Variants in PDGFD observed in about 807,000 individuals in gnomAD.
The protein encoded by PDGFD is platelet derived growth factor D.
A neutral mutation model predicts 44.7 loss-of-function variants in PDGFD; 30 were observed. That is an observed-to-expected ratio of 0.67 (90% CI 0.50 to 0.91). The LOEUF is 0.91. Among genes scored for constraint, PDGFD ranks in the 40% least tolerant of loss-of-function variants. The pLI is 0.00. For missense variants in PDGFD, 445 were observed against 457.8 expected (o/e 0.97, Z 0.25); for synonymous variants, 173 against 168.4 (o/e 1.03, Z -0.21).
chr11:104,020,774 T>G (rs888270683), intron 1 of PDGFD, among the ~76,000 whole-genome samples: 2 of 152,180 alleles, frequency 1.3e-5, no homozygotes, highest in African/African-American at 4.8e-5. Flanking sequence ...TCTGTTTGAA[T>G]AGTTTCAAAC....
At chr11:104,003,728 A>G (rs10791661) in intron 1 of PDGFD, among the ~76,000 whole-genome samples, 45,379 of 152,066 alleles carry the variant, frequency 0.3, 8,162 homozygotes, top group Admixed American at 0.48. Context: ...TTACAGAGCT[A>G]GCTGAGAGAA....
At chr11:103,977,024 C>T (rs1859195116) in intron 3 of PDGFD, among the ~76,000 whole-genome samples, 1 of 151,978 alleles carries the variant, frequency 6.6e-6, no homozygotes, top group Admixed American at 6.6e-5. Flanking sequence ...CCACTGATCC[C>T]ACAGAAATAC....
chr11:104,054,569 A>C (rs1860593253), intron 1 of PDGFD, among the ~76,000 whole-genome samples: 1 of 152,210 alleles, frequency 6.6e-6, no homozygotes, highest in Admixed American at 6.5e-5. Context: ...TTTTAGCATC[A>C]CGTCGGCAAA....
intron 1 of PDGFD, among the ~76,000 whole-genome samples, chr11:104,029,058 T>G (rs1277603940): frequency 6.6e-6 from 1 of 152,162 alleles, no homozygotes; most frequent in Non-Finnish European, 1.5e-5. Flanking sequence ...TATCAGCAGT[T>G]AAGCACATTT....
intron 1 of PDGFD, among the ~76,000 whole-genome samples, chr11:104,151,999 A>G (rs1862253371): frequency 6.6e-6 from 1 of 151,940 alleles, no homozygotes; most frequent in Non-Finnish European, 1.5e-5. Flanking sequence ...ATGTTTATTC[A>G]CATATGTGTT....
intron 3 of PDGFD, among the ~76,000 whole-genome samples, chr11:103,954,766 A>C (rs1298645395): frequency 1.3e-5 from 2 of 152,190 alleles, no homozygotes; most frequent in South Asian, 2.1e-4. Flanking sequence ...TGATTGAGTT[A>C]ATGCTTAGAG....
chr11:104,163,990 G>C lies in PDGFD; in HGVS notation c.-63C>G. ...AAAGCCGGGTTCTGCTCCCGGGACC[G>C]ACGCCGCGCCGCCCTGCGCTCTCGC... On this transcript the variant is annotated 5_prime_UTR_variant, in exon 1 of 7. Coordinates refer to ENST00000393158, the MANE Select transcript of PDGFD (RefSeq NM_025208.5). The C allele has an allele frequency of 6.8e-7, 1 of 1,464,444 alleles. No homozygotes were observed. Among genetic ancestry groups the C allele is most frequent in the Admixed American group, 2.1e-5 (1 of 48,098 alleles). The allele number at this position is 1,464,444 out of a possible 1,614,324, so 90.7% of individuals were successfully genotyped here. A position where few individuals can be genotyped will look rare whatever the true frequency, so the allele number is the denominator to read the frequency against.
At chr11:104,093,702 C>T (rs1182320036) in intron 1 of PDGFD, among the ~76,000 whole-genome samples, 1 of 151,782 alleles carries the variant, frequency 6.6e-6, no homozygotes, top group Admixed American at 6.6e-5. Flanking sequence ...ATCTATGAGG[C>T]TTTAACTCCC....
At chr11:104,143,139 A>G (rs535757251) in intron 1 of PDGFD, among the ~76,000 whole-genome samples, 20 of 152,256 alleles carry the variant, frequency 1.3e-4, no homozygotes, top group African/African-American at 4.8e-4. Context: ...TTCTTTATTG[A>G]GCATGCGATC....
At chr11:103,989,950 T>C (rs974355629) in intron 3 of PDGFD, among the ~76,000 whole-genome samples, 1 of 152,106 alleles carries the variant, frequency 6.6e-6, no homozygotes, top group Non-Finnish European at 1.5e-5. Context: ...AGAATAATAA[T>C]AATAAAAAGA....
intron 5 of PDGFD, among the ~76,000 whole-genome samples, chr11:103,935,345 A>T (rs533418601): frequency 3.7e-4 from 56 of 152,320 alleles, no homozygotes; most frequent in Non-Finnish European, 7.2e-4. Flanking sequence ...GTGCCCTCAT[A>T]GACACACACA....
intron 1 of PDGFD, among the ~76,000 whole-genome samples, chr11:104,045,062 C>T (rs542348915): frequency 6.6e-6 from 1 of 152,104 alleles, no homozygotes; most frequent in East Asian, 1.9e-4. Flanking sequence ...AACAAACAAA[C>T]ACCTGATATT....
At chr11:104,161,350 T>C (rs1193761178) in intron 1 of PDGFD, among the ~76,000 whole-genome samples, 1 of 152,238 alleles carries the variant, frequency 6.6e-6, no homozygotes, top group Non-Finnish European at 1.5e-5. Context: ...TCGTCTTCAA[T>C]GAGTCATTAG....
intron 3 of PDGFD, among the ~76,000 whole-genome samples, chr11:103,948,140 A>C (rs1020952687): frequency 6.6e-6 from 1 of 152,224 alleles, no homozygotes; most frequent in African/African-American, 2.4e-5. Context: ...ATAAAGAATA[A>C]TAATAATTAT....
chr11:104,014,317 G>T (rs1859828314), intron 1 of PDGFD, among the ~76,000 whole-genome samples: 3 of 152,166 alleles, frequency 2.0e-5, no homozygotes, highest in Admixed American at 1.3e-4. Context: ...GCAACACAGA[G>T]AGACCCCATG....
chr11:103,992,023 T>C (rs1264932041), intron 3 of PDGFD, among the ~76,000 whole-genome samples: 1 of 152,194 alleles, frequency 6.6e-6, no homozygotes, highest in Non-Finnish European at 1.5e-5. Context: ...CAACCATTCA[T>C]TTGTTCTCCA....
At chr11:104,039,260 G>C (rs1860307243) in intron 1 of PDGFD, 1 of 165,038 alleles carries the variant, frequency 6.1e-6, no homozygotes, top group Non-Finnish European at 1.5e-5. Context: ...TTACAACTGA[G>C]ATTCCTCACC....
At chr11:104,110,735 G>C (rs1330388964) in intron 1 of PDGFD, among the ~76,000 whole-genome samples, 2 of 152,058 alleles carry the variant, frequency 1.3e-5, no homozygotes, top group Non-Finnish European at 2.9e-5. Flanking sequence ...TGATGTTACT[G>C]AGCTCTGACC....
chr11:103,996,263 T>C lies in PDGFD; in HGVS notation c.330-18A>G, dbSNP rs965802056. The C allele has an allele frequency of 1.6e-5, 26 of 1,585,532 alleles. No individual in the cohort carries two copies. Among genetic ancestry groups the C allele is most frequent in the Middle Eastern group, 1.7e-4 (1 of 6,010 alleles). ...AATCATACCTAGAATCAATTGGACA[T>C]AATGAACAAGTTTTGATTAAAGTAG... On this transcript the variant is annotated intron_variant, in intron 2 of 6. Coordinates refer to ENST00000393158, the MANE Select transcript of PDGFD (RefSeq NM_025208.5).
Sources: allele counts gnomAD v4.1 joint callset (sites outside exome capture counted in the v4.1 genomes callset), GRCh38; gene constraint gnomAD v4.1.1; transcripts MANE v1.5; gene names NCBI Gene and HGNC (gene_info 2026-07-23, HGNC 2026-07-21).